Variants in PACRGL observed in about 807,000 individuals in gnomAD.
PACRGL encodes parkin coregulated like, also known as PACRG-like protein.
Under a neutral mutation model 34.5 loss-of-function variants are expected in PACRGL, and 38 were observed. The ratio of observed to expected loss-of-function variants is 1.10; its 90% CI spans 0.85 to 1.44. The LOEUF is 1.44. PACRGL is among the 40% of genes most tolerant of loss of function. The pLI is 0.00. For missense variants in PACRGL, 305 were observed against 281.4 expected, an observed-to-expected ratio of 1.08 and a Z score of -0.60; for synonymous variants, 128 against 100.1, an observed-to-expected ratio of 1.28 and a Z score of -1.66.
chr4:20,711,496 G>C (rs1284217683), intron 5 of PACRGL, among the ~76,000 whole-genome samples: 1 of 152,166 alleles, frequency 6.6e-6, no homozygotes, highest in Non-Finnish European at 1.5e-5. Context: ...ACGCCCATGT[G>C]CTTGGCAGGA....
rs1236278242 is a variant in PACRGL at position 20,732,252 on chromosome 4, G to GAA, written c.*4911_*4912insAA. On this transcript the variant is annotated 3_prime_UTR_variant, in exon 9 of 9. Coordinates refer to ENST00000503585, the MANE Select transcript of PACRGL (RefSeq NM_001258345.3). Reference sequence around the variant, plus strand: ...AAAAATGATAGGGCCAAATGCTTCTGGCTTTTCCCTTTTCAATATAATGTG... The same window carrying GAA: ...AAAAATGATAGGGCCAAATGCTTCTGAAGCTTTTCCCTTTTCAATATAATGTG... 2.0e-5 allele frequency among the ~76,000 whole-genome samples: 3 copies of GAA among 152,156 alleles called. No homozygotes were observed. The highest frequency in any genetic ancestry group is 1.3e-4 in the Admixed American group (2 of 15,272).
chr4:20,704,344 T>C, intron 1 of PACRGL, 122 bp from the exon 2 acceptor site: 1 of 804,514 alleles, frequency 1.2e-6, no homozygotes. Context: ...TTTTGCTCCA[T>C]ATCAACTTTT....
chr4:20,763,647 T>C, the PACRGL span, among the ~76,000 whole-genome samples: 3 of 152,206 alleles, frequency 2.0e-5, no homozygotes, highest in Non-Finnish European at 4.4e-5. Context: ...GGAATATCTA[T>C]CCCTGTGGCA....
intron 8 of PACRGL, among the ~76,000 whole-genome samples, chr4:20,752,199 C>G (rs1341630981): frequency 2.0e-5 from 3 of 151,706 alleles, no homozygotes; most frequent in African/African-American, 7.3e-5. Flanking sequence ...GCTGGGATTA[C>G]AGGCACCTGC....
At chr4:20,724,065 A>G (rs531396509) in intron 7 of PACRGL, among the ~76,000 whole-genome samples, 6 of 152,370 alleles carry the variant, frequency 3.9e-5, no homozygotes, top group African/African-American at 1.4e-4. Flanking sequence ...TTTCAAAACC[A>G]GTTACTGAAC....
At chr4:20,724,955 A>G in intron 8 of PACRGL, 67 bp downstream of exon 8, 1 of 879,062 alleles carries the variant, frequency 1.1e-6, no homozygotes, top group Non-Finnish European at 1.6e-6. Context: ...ATTGACATAT[A>G]TATATATTTA....
chr4:20,748,370 A>G (rs1752819288), intron 8 of PACRGL, among the ~76,000 whole-genome samples: 1 of 151,672 alleles, frequency 6.6e-6, no homozygotes, highest in South Asian at 2.1e-4. Context: ...GGAGCTCCTG[A>G]CTGTCCTTTA....
chr4:20,734,595 A>G (rs373933456), downstream of PACRGL: 59 of 994,488 alleles, frequency 5.9e-5, no homozygotes, highest in African/African-American at 8.6e-4. Flanking sequence ...AAAATGGTCC[A>G]AATTACTGTG....
chr4:20,744,801 C>T (rs988502740), intron 8 of PACRGL, among the ~76,000 whole-genome samples: 1 of 151,928 alleles, frequency 6.6e-6, no homozygotes, highest in Non-Finnish European at 1.5e-5. Context: ...ATAAAGATAG[C>T]ACGTTTAAGT....
rs1273648575 is a variant in PACRGL, at chr4:20,711,915, A to G, written c.367-873A>G. Among the ~76,000 whole-genome samples the G allele has an allele frequency of 3.3e-5, 5 of 152,298 alleles. No homozygotes were observed. The East Asian group carries it at 5.8e-4, about 18-fold the overall frequency. ...GCATATAGTATGATACTTGCTTTCTAAATACGTTAATATAAAATACTTAAA... is the reference window on the plus strand; with the variant it reads ...GCATATAGTATGATACTTGCTTTCTGAATACGTTAATATAAAATACTTAAA... On this transcript the variant is annotated intron_variant, in intron 5 of 8. Coordinates refer to ENST00000503585, the MANE Select transcript of PACRGL (RefSeq NM_001258345.3).
At chr4:20,697,227 T>C (rs1170148431), upstream of PACRGL, among the ~76,000 whole-genome samples, 1 of 152,194 alleles carries the variant, frequency 6.6e-6, no homozygotes, top group African/African-American at 2.4e-5. Context: ...ACAAATTTCT[T>C]GTATCACATT....
At chr4:20,725,547 A>G (rs1341181695) in intron 8 of PACRGL, among the ~76,000 whole-genome samples, 1 of 152,204 alleles carries the variant, frequency 6.6e-6, no homozygotes, top group East Asian at 1.9e-4. Flanking sequence ...ATATTTCCAT[A>G]AAAGCAGTCC....
At position 20,728,701 on chromosome 4, in the gene PACRGL, G is replaced by T. The variant is rs1278270832; in HGVS notation, c.*1360G>T. On this transcript the variant is annotated 3_prime_UTR_variant, in exon 9 of 9. Transcript: ENST00000503585. Reference sequence around the variant, plus strand: ...CACAAACACGTGATGGCAAATTTCAGTGTACATGTATTGTACTACTCTTAA... The same window carrying T: ...CACAAACACGTGATGGCAAATTTCATTGTACATGTATTGTACTACTCTTAA... 1 of 152,672 alleles carries T rather than the reference G, an allele frequency of 6.5e-6. No individual in the cohort carries two copies. Among genetic ancestry groups the T allele is most frequent in the East Asian group, 1.9e-4 (1 of 5,176 alleles). The allele number at this position is 152,672 out of a possible 1,614,324, so 9.5% of individuals were successfully genotyped here.
chr4:20,734,602 T>A (rs542467288), downstream of PACRGL: 21 of 1,011,212 alleles, frequency 2.1e-5, no homozygotes, highest in East Asian at 4.8e-4. Flanking sequence ...TCCAAATTAC[T>A]GTGATGTTGG....
intron 1 of PACRGL, chr4:20,701,756 A>T (rs975380525): frequency 2.3e-6 from 1 of 429,504 alleles, no homozygotes; most frequent in Non-Finnish European, 4.7e-6. Context: ...CCCTCCCCCC[A>T]GTCTCTTTCA....
At chr4:20,746,793 C>G (rs1185696596) in intron 8 of PACRGL, among the ~76,000 whole-genome samples, 1 of 152,118 alleles carries the variant, frequency 6.6e-6, no homozygotes, top group Non-Finnish European at 1.5e-5. Flanking sequence ...CCCCTCCTAT[C>G]ATATTTCTTC....
intron 1 of PACRGL, 67 bp from the exon 2 acceptor site, chr4:20,704,399 T>G: frequency 6.8e-7 from 1 of 1,474,698 alleles, no homozygotes; most frequent in Non-Finnish European, 9.3e-7. Flanking sequence ...TGGTTTTGTC[T>G]TTTTATTGAT....
At position 20,712,930 on chromosome 4, in the gene PACRGL, A is replaced by G. The variant is rs982219518; in HGVS notation, c.501+8A>G. On this transcript the variant is annotated splice_region_variant and intron_variant, in intron 6 of 8. Coordinates refer to ENST00000503585, the MANE Select transcript of PACRGL (RefSeq NM_001258345.3). Reference sequence around the variant, plus strand: ...GTGCTAAAGGCAGCTCTGGTATGTCATTTATTTCATTGTACTTTATATTTG... The same window carrying G: ...GTGCTAAAGGCAGCTCTGGTATGTCGTTTATTTCATTGTACTTTATATTTG... 2.0e-6 allele frequency: 3 copies of G among 1,533,798 alleles called. No homozygotes were observed. The highest frequency in any genetic ancestry group is 2.6e-6 in the Non-Finnish European group (3 of 1,136,606).
intron 5 of PACRGL, among the ~76,000 whole-genome samples, chr4:20,710,379 C>G (rs1736606639): frequency 6.6e-6 from 1 of 152,112 alleles, no homozygotes; most frequent in Non-Finnish European, 1.5e-5. Context: ...TTGCTATCTT[C>G]TATGAATTTT....
Sources: allele counts gnomAD v4.1 joint callset (sites outside exome capture counted in the v4.1 genomes callset), GRCh38; gene constraint gnomAD v4.1.1; transcripts MANE v1.5; gene names NCBI Gene and HGNC (gene_info 2026-07-23, HGNC 2026-07-21).